DCC: variants seen among roughly 807,000 people sequenced by gnomAD.
DCC encodes DCC netrin 1 receptor.
DCC carries 58 observed loss-of-function variants against 172.5 expected under a neutral mutation model. The observed-to-expected ratio is 0.34, with a 90% CI of 0.27 to 0.42. The LOEUF is 0.42. Ranked by LOEUF, DCC falls within the 10% of genes least tolerant of loss-of-function variation. The probability of loss-of-function intolerance (pLI) is 1.00; values close to 1 mark genes in which losing one functional copy is unlikely to be tolerated. For missense variants in DCC, 1,740 were observed against 1,791.0 expected (o/e 0.97, Z 0.51); for synonymous variants, 709 against 644.5 (o/e 1.10, Z -1.52).
intron 1 of DCC, among the ~76,000 whole-genome samples, chr18:52,387,635 T>TTCCTTCCTTCC (rs1568145208): frequency 4.1e-5 from 3 of 72,928 alleles, no homozygotes; most frequent in Non-Finnish European, 8.7e-5. Flanking sequence ...TCCTTCCTTC[T>TTCCTTCCTTCC]GTCCTTCCAG....
chr18:52,665,700 G>A (rs1051179128), intron 1 of DCC, among the ~76,000 whole-genome samples: 1 of 152,176 alleles, frequency 6.6e-6, no homozygotes, highest in African/African-American at 2.4e-5. Context: ...GTTTACTACC[G>A]ACTTTAAGTT....
At chr18:52,697,547 A>G (rs2036034863) in intron 1 of DCC, among the ~76,000 whole-genome samples, 2 of 152,240 alleles carry the variant, frequency 1.3e-5, no homozygotes, top group South Asian at 2.1e-4. Context: ...TAAAAAGTAT[A>G]AAAAGAACTT....
chr18:53,429,132 T>A (rs1321444419), intron 21 of DCC, among the ~76,000 whole-genome samples: 3 of 114,428 alleles, frequency 2.6e-5, no homozygotes, highest in Admixed American at 1.3e-4. Context: ...TATATATAAA[T>A]ATATATATAT....
chr18:53,267,807 G>A (rs1329938870), intron 12 of DCC, among the ~76,000 whole-genome samples: 1 of 152,140 alleles, frequency 6.6e-6, no homozygotes, highest in East Asian at 1.9e-4. Flanking sequence ...AGTACTTTAT[G>A]TTTGGGACTT....
chr18:53,001,638 C>A (rs1456250813), intron 5 of DCC, among the ~76,000 whole-genome samples: 2 of 152,064 alleles, frequency 1.3e-5, no homozygotes, highest in Non-Finnish European at 2.9e-5. Context: ...TGATAAATTT[C>A]TCTGGGTTAT....
At chr18:53,312,173 A>G (rs1468022367) in intron 13 of DCC, among the ~76,000 whole-genome samples, 12 of 35,854 alleles carry the variant, frequency 3.3e-4, no homozygotes, top group African/African-American at 8.3e-4. Context: ...AAAAAAAAAA[A>G]AAAAGAAAAA....
chr18:53,106,617 G>T (rs2043251842), intron 7 of DCC, among the ~76,000 whole-genome samples: 1 of 151,906 alleles, frequency 6.6e-6, no homozygotes, highest in Admixed American at 6.6e-5. Flanking sequence ...TTTGTTACTG[G>T]AAAGGGATCC....
intron 5 of DCC, among the ~76,000 whole-genome samples, chr18:53,043,448 T>C (rs970773569): frequency 1.3e-5 from 2 of 151,842 alleles, no homozygotes; most frequent in East Asian, 3.9e-4. Flanking sequence ...ATCCCAGAAC[T>C]TAAAATATAA....
intron 27 of DCC, among the ~76,000 whole-genome samples, chr18:53,508,412 C>T (rs1204039208): frequency 4.0e-5 from 6 of 151,764 alleles, no homozygotes; most frequent in African/African-American, 1.5e-4. Flanking sequence ...AGGCTAGTCT[C>T]AAACTCCTGG....
At chr18:52,530,691 T>G (rs2144683521) in intron 1 of DCC, among the ~76,000 whole-genome samples, 1 of 152,332 alleles carries the variant, frequency 6.6e-6, no homozygotes, top group South Asian at 2.1e-4. Context: ...CTGAAGAAGA[T>G]ATGTCTTCAT....
intron 13 of DCC, among the ~76,000 whole-genome samples, chr18:53,318,133 C>T (rs545599760): frequency 6.6e-6 from 1 of 152,204 alleles, no homozygotes; most frequent in South Asian, 2.1e-4. Flanking sequence ...TATAAATTTC[C>T]CTCCAAACAC....
chr18:53,272,797 A>C (rs368206764), intron 12 of DCC, among the ~76,000 whole-genome samples: 16 of 152,292 alleles, frequency 1.1e-4, no homozygotes, highest in East Asian at 7.7e-4. Context: ...TTTCCTTAGA[A>C]AACAAGCTTC....
intron 2 of DCC, among the ~76,000 whole-genome samples, chr18:52,883,500 C>T (rs1024069662): frequency 6.6e-6 from 1 of 150,644 alleles, no homozygotes; most frequent in East Asian, 1.9e-4. Flanking sequence ...TTGAGGTTAC[C>T]ATGAGGCTTG....
In DCC at chr18:53,205,376, A is replaced by C; in HGVS notation, c.1722+12A>C. 2 of 1,613,148 alleles carry C rather than the reference A, an allele frequency of 1.2e-6. No homozygotes were observed. Among genetic ancestry groups the C allele is most frequent in the Non-Finnish European group, 1.7e-6 (2 of 1,179,214 alleles). Reference sequence around the variant, plus strand: ...CAGGAAAAGAACAGGTAGGTGAAGGAATGGACCACACTGCTTCCATCTGTT... The same window carrying C: ...CAGGAAAAGAACAGGTAGGTGAAGGCATGGACCACACTGCTTCCATCTGTT... On this transcript the variant is annotated intron_variant, in intron 10 of 28. Coordinates refer to ENST00000442544, the MANE Select transcript of DCC (RefSeq NM_005215.4).
intron 1 of DCC, among the ~76,000 whole-genome samples, chr18:52,406,303 A>G (rs1986648660): frequency 6.7e-6 from 1 of 149,112 alleles, no homozygotes; most frequent in Non-Finnish European, 1.5e-5. Flanking sequence ...AATGGCAACA[A>G]AAGCCAAAAT....
At chr18:53,017,546 G>A (rs2041826427) in intron 5 of DCC, among the ~76,000 whole-genome samples, 1 of 152,122 alleles carries the variant, frequency 6.6e-6, no homozygotes, top group African/African-American at 2.4e-5. Flanking sequence ...TTCTAAGTCT[G>A]TAGTTACTGG....
At chr18:53,026,630 T>A (rs12457542) in intron 5 of DCC, among the ~76,000 whole-genome samples, 105,593 of 152,000 alleles carry the variant, frequency 0.69, 36,799 homozygotes, top group East Asian at 0.75. Context: ...ATCATAGCTC[T>A]CTGCATCCTT....
At chr18:52,805,976 G>C (rs2145236808) in intron 2 of DCC, among the ~76,000 whole-genome samples, 1 of 152,314 alleles carries the variant, frequency 6.6e-6, no homozygotes, top group African/African-American at 2.4e-5. Flanking sequence ...ATTTGAAGGA[G>C]ACAAACTGAA....
intron 2 of DCC, among the ~76,000 whole-genome samples, chr18:52,862,957 T>C (rs1473412151): frequency 6.6e-6 from 1 of 152,172 alleles, no homozygotes; most frequent in Non-Finnish European, 1.5e-5. Context: ...ATTCTACCTT[T>C]CCATCAGTAT....
Sources: gnomAD v4.1 joint callset for allele counts (sites outside exome capture counted in the v4.1 genomes callset) on GRCh38, gnomAD v4.1.1 for gene constraint, MANE v1.5 for transcripts, NCBI Gene and HGNC (gene_info 2026-07-23, HGNC 2026-07-21) for gene names.